The following GYS2 variants were observed in gnomAD, a reference collection of about 807,000 sequenced individuals.
The protein encoded by GYS2 is glycogen [starch] synthase, liver.
GYS2 carries 80 observed loss-of-function variants against 85.6 expected under a neutral mutation model. The observed-to-expected ratio is 0.93, with a 90% CI of 0.78 to 1.13. The LOEUF (loss-of-function observed/expected upper bound fraction) is 1.13, where lower values mean the gene tolerates loss of function less well. Among genes scored for constraint, GYS2 ranks in the 50% most tolerant of loss-of-function variants. The pLI, the probability that GYS2 is intolerant of heterozygous loss-of-function variation, is 0.00. For missense variants in GYS2, 881 were observed against 854.9 expected (o/e 1.03, Z -0.38); for synonymous variants, 328 against 300.7 (o/e 1.09, Z -0.94).
At chr12:21,557,531 A>G (rs1055155201) in intron 11 of GYS2, among the ~76,000 whole-genome samples, 1 of 152,256 alleles carries the variant, frequency 6.6e-6, no homozygotes, top group African/African-American at 2.4e-5. Context: ...TTAGAAAGAA[A>G]CAAACACTAT....
intron 1 of GYS2, among the ~76,000 whole-genome samples, chr12:21,589,829 G>A (rs1245667108): frequency 6.6e-6 from 1 of 152,098 alleles, no homozygotes; most frequent in Non-Finnish European, 1.5e-5. Flanking sequence ...TCCCACCCCT[G>A]CCATCCCCAT....
rs1943910021 is a variant in GYS2 at position 21,536,313 on chromosome 12, G to GGTAC, written c.*640_*641insGTAC. On this transcript the variant is annotated 3_prime_UTR_variant, in exon 16 of 16. Coordinates refer to ENST00000261195, the MANE Select transcript of GYS2 (RefSeq NM_021957.4). ...AGAAAAATGTTACAGTAAGATGGTGGTACCATGTACATGGTAATATCTTGC... is the reference window on the plus strand; with the variant it reads ...AGAAAAATGTTACAGTAAGATGGTGGGTACTACCATGTACATGGTAATATCTTGC... 6.6e-6 allele frequency: 1 copy of GGTAC among 152,326 alleles called. No individual in the cohort carries two copies. The allele number at this position is 152,326 out of a possible 1,614,324, so 9.4% of individuals were successfully genotyped here.
chr12:21,569,829 C>T (rs1466170835), intron 4 of GYS2, among the ~76,000 whole-genome samples: 1 of 152,154 alleles, frequency 6.6e-6, no homozygotes, highest in African/African-American at 2.4e-5. Context: ...CGCACAATAA[C>T]ATATTTAATT....
At chr12:21,552,325 C>T (rs558631039) in intron 11 of GYS2, among the ~76,000 whole-genome samples, 28 of 152,312 alleles carry the variant, frequency 1.8e-4, no homozygotes, top group South Asian at 4.1e-4. Context: ...CACCACACTA[C>T]GTAGCTAAGG....
intron 11 of GYS2, among the ~76,000 whole-genome samples, chr12:21,554,167 GAA>G (rs1565596469): frequency 6.6e-6 from 1 of 151,528 alleles, no homozygotes; most frequent in East Asian, 1.9e-4. Flanking sequence ...AGGAAGGAAG[GAA>G]GGAGGGAAGG....
Position 21,580,429 on chromosome 12 carries a change from A to T in GYS2, c.216T>A (p.His72Gln). 1.2e-6 allele frequency: 2 copies of T among 1,612,516 alleles called. No homozygotes were observed. The highest frequency in any genetic ancestry group is 2.2e-5 in the East Asian group (1 of 44,856). Residue 72 changes from histidine (H) to glutamine (Q), a missense_variant, in exon 2 of 16, where the codon CAT (histidine) becomes CAA (glutamine). By Grantham distance (24) the His-to-Gln change is conservative. Transcript: ENST00000261195. ...NYFLIGPYFE[H>Q]NMKTQVEQCE... Reference sequence around the variant, plus strand: ...ACTGTTCCACCTGAGTCTTCATATTATGCTCAAAATATGGACCTATCAGAA... The same window carrying T: ...ACTGTTCCACCTGAGTCTTCATATTTTGCTCAAAATATGGACCTATCAGAA...
chr12:21,563,311 T>C lies in GYS2; in HGVS notation c.858A>G (p.Lys286=). The C allele has an allele frequency of 6.2e-7, 1 of 1,609,184 alleles. No homozygotes were observed. Among genetic ancestry groups the C allele is most frequent in the East Asian group, 2.2e-5 (1 of 44,784 alleles). Residue 286 remains lysine (K), a synonymous_variant, in exon 6 of 16, where the codon AAA becomes AAG. Coordinates refer to ENST00000261195, the MANE Select transcript of GYS2 (RefSeq NM_021957.4). ...VVTPNGLNVK[K]FSAVHEFQNL... is the part of the protein sequence containing the mutation. ...TTTGAAACTCATGCACTGCTGAAAA[T>C]TTCTTAACATTCAAGCCGTTTGGAG...
chr12:21,599,121 T>C (rs1445760016), intron 1 of GYS2, among the ~76,000 whole-genome samples: 1 of 152,032 alleles, frequency 6.6e-6, no homozygotes, highest in East Asian at 1.9e-4. Flanking sequence ...TCTATATATA[T>C]GTATACACAC....
intron 11 of GYS2, among the ~76,000 whole-genome samples, chr12:21,549,789 AT>A (rs1180325858): frequency 6.6e-6 from 1 of 151,890 alleles, no homozygotes; most frequent in Admixed American, 6.6e-5. Context: ...AAGGTTTTCT[AT>A]TTTTTTCATT....
intron 11 of GYS2, among the ~76,000 whole-genome samples, chr12:21,556,886 A>AT (rs1944186732): frequency 6.6e-6 from 1 of 152,082 alleles, no homozygotes; most frequent in South Asian, 2.1e-4. Flanking sequence ...TATTTGTTTG[A>AT]TTTTTTTAAC....
intron 1 of GYS2, among the ~76,000 whole-genome samples, chr12:21,593,028 T>A (rs931382004): frequency 1.3e-5 from 2 of 151,958 alleles, no homozygotes; most frequent in African/African-American, 4.8e-5. Flanking sequence ...TGCTCCTGAA[T>A]GAACGTTATG....
At chr12:21,596,137 C>G (rs1469034882) in intron 1 of GYS2, among the ~76,000 whole-genome samples, 16 of 151,938 alleles carry the variant, frequency 1.1e-4, no homozygotes, top group Admixed American at 1.0e-3. Flanking sequence ...AAAAAAAGTT[C>G]AGGACCAGAT....
intron 12 of GYS2, among the ~76,000 whole-genome samples, chr12:21,545,899 T>C (rs1440725883): frequency 1.3e-5 from 2 of 152,222 alleles, no homozygotes; most frequent in Admixed American, 6.5e-5. Context: ...CATTACATAT[T>C]AAATATGTTC....
chr12:21,534,059 C>T (rs75787398), downstream of GYS2, among the ~76,000 whole-genome samples: 1 of 152,294 alleles, frequency 6.6e-6, no homozygotes, highest in East Asian at 1.9e-4. Flanking sequence ...TTTGTGGATA[C>T]CATCACATTG....
chr12:21,550,313 G>GC (rs1944090773), intron 11 of GYS2, among the ~76,000 whole-genome samples: 2 of 55,914 alleles, frequency 3.6e-5, no homozygotes, highest in African/African-American at 1.3e-4. Context: ...TAGACAGAAA[G>GC]AACACACACA....
chr12:21,586,417 CTATATCTA>C (rs1944573473), intron 1 of GYS2, among the ~76,000 whole-genome samples: 1 of 122,986 alleles, frequency 8.1e-6, no homozygotes, highest in African/African-American at 3.0e-5. Flanking sequence ...ATATCTAAAT[CTATATCTA>C]TCTATCTATC....
At chr12:21,599,465 C>A (rs1204867491) in intron 1 of GYS2, among the ~76,000 whole-genome samples, 1 of 152,138 alleles carries the variant, frequency 6.6e-6, no homozygotes, top group Non-Finnish European at 1.5e-5. Context: ...AACAAGACCA[C>A]CTGCACTACC....
chr12:21,567,183 A>C (rs1944330850), intron 5 of GYS2, among the ~76,000 whole-genome samples: 1 of 152,208 alleles, frequency 6.6e-6, no homozygotes, highest in Non-Finnish European at 1.5e-5. Context: ...CCCAGGGGCT[A>C]ATGAGTAAGT....
At chr12:21,537,665 T>C (rs1050068620) in intron 15 of GYS2, among the ~76,000 whole-genome samples, 1 of 152,230 alleles carries the variant, frequency 6.6e-6, no homozygotes, top group Non-Finnish European at 1.5e-5. Context: ...GGAAATGCCA[T>C]GGATGGCCAC....
Sources: gnomAD v4.1 joint callset for allele counts (sites outside exome capture counted in the v4.1 genomes callset) on GRCh38, gnomAD v4.1.1 for gene constraint, MANE v1.5 for transcripts, NCBI Gene and HGNC (gene_info 2026-07-23, HGNC 2026-07-21) for gene names.